The following ST7L variants were observed in gnomAD, a reference collection of about 807,000 sequenced individuals.
ST7L encodes the protein suppressor of tumorigenicity 7 protein-like.
Under a neutral mutation model 72.5 loss-of-function variants are expected in ST7L, and 57 were observed. That is an observed-to-expected ratio of 0.79 (90% CI 0.64 to 0.98). ST7L has a LOEUF of 0.98. Among genes scored for constraint, ST7L ranks in the 50% least tolerant of loss-of-function variants. The pLI is 0.00. For synonymous variants in ST7L, 221 were observed against 240.9 expected, an observed-to-expected ratio of 0.92 and a Z score of 0.77; for missense variants, 576 against 672.2, an observed-to-expected ratio of 0.86 and a Z score of 1.58.
intron 7 of ST7L, among the ~76,000 whole-genome samples, chr1:112,583,549 A>G (rs1165461163): frequency 6.6e-6 from 1 of 152,248 alleles, no homozygotes. Flanking sequence ...CTAGCACTAT[A>G]TGCAGATACA....
At chr1:112,579,577 GATTT>G (rs977568004) in intron 9 of ST7L, among the ~76,000 whole-genome samples, 7 of 151,822 alleles carry the variant, frequency 4.6e-5, no homozygotes, top group Admixed American at 2.6e-4. Context: ...CTTCTTCCTA[GATTT>G]ATTTTTCTTA....
chr1:112,609,010 A>T (rs1342231771), intron 3 of ST7L, among the ~76,000 whole-genome samples: 1 of 152,186 alleles, frequency 6.6e-6, no homozygotes, highest in Non-Finnish European at 1.5e-5. Context: ...TACCTATCCC[A>T]GTGAAAGGAA....
At chr1:112,586,643 T>C (rs1664911342) in intron 6 of ST7L, among the ~76,000 whole-genome samples, 1 of 152,208 alleles carries the variant, frequency 6.6e-6, no homozygotes. Flanking sequence ...AAAAGATTTT[T>C]TCCCCCTTAA....
At chr1:112,536,277 G>T (rs938489873) in intron 14 of ST7L, among the ~76,000 whole-genome samples, 1 of 151,984 alleles carries the variant, frequency 6.6e-6, no homozygotes, top group African/African-American at 2.4e-5. Flanking sequence ...TTCTGAATGT[G>T]GCCCTAGGAA....
At chr1:112,574,411 G>C (rs190926682) in intron 11 of ST7L, among the ~76,000 whole-genome samples, 2 of 151,642 alleles carry the variant, frequency 1.3e-5, no homozygotes, top group Admixed American at 6.6e-5. Context: ...TGTAATCCCA[G>C]CACTTTGGGA....
At chr1:112,587,128 T>C (rs1347349237) in intron 6 of ST7L, among the ~76,000 whole-genome samples, 1 of 152,236 alleles carries the variant, frequency 6.6e-6, no homozygotes, top group Non-Finnish European at 1.5e-5. Flanking sequence ...TGCTTTCTTC[T>C]AAGAGTTCTG....
intron 12 of ST7L, among the ~76,000 whole-genome samples, chr1:112,554,744 T>G (rs1230687333): frequency 6.6e-6 from 1 of 152,124 alleles, no homozygotes; most frequent in East Asian, 1.9e-4. Flanking sequence ...TATCTGTTCA[T>G]TAACAGATGA....
At chr1:112,540,673 C>G in intron 14 of ST7L, 1 of 1,180,632 alleles carries the variant, frequency 8.5e-7, no homozygotes, top group African/African-American at 1.6e-5. Context: ...AAAAAGCCAA[C>G]TAATCTTTAA....
At chr1:112,532,999 C>T (rs1654619448) in intron 14 of ST7L, among the ~76,000 whole-genome samples, 1 of 152,146 alleles carries the variant, frequency 6.6e-6, no homozygotes, top group African/African-American at 2.4e-5. Flanking sequence ...TTTATCTTTC[C>T]CCTACAATCC....
At chr1:112,555,559 C>T (rs186808091) in intron 12 of ST7L, among the ~76,000 whole-genome samples, 6 of 151,178 alleles carry the variant, frequency 4.0e-5, no homozygotes, top group African/African-American at 1.2e-4. Flanking sequence ...AGTGAGACTC[C>T]GTCTCAAAAA....
chr1:112,618,163 G>A (rs961687266), intron 1 of ST7L: 12 of 1,252,148 alleles, frequency 9.6e-6, no homozygotes, highest in Non-Finnish European at 1.2e-5. Context: ...ATGGTAAGGG[G>A]ACCTGGGCCC....
intron 12 of ST7L, among the ~76,000 whole-genome samples, chr1:112,554,431 G>A (rs1024375322): frequency 2.6e-5 from 4 of 152,006 alleles, no homozygotes; most frequent in African/African-American, 7.3e-5. Flanking sequence ...ACATCCATTA[G>A]GATGGCTATT....
chr1:112,526,751 AAAAG>A (rs2101135926), intron 14 of ST7L: 1 of 152,248 alleles, frequency 6.6e-6, no homozygotes, highest in East Asian at 1.9e-4. Flanking sequence ...AAAAAAAAAA[AAAAG>A]AAGGTATGTA....
chr1:112,535,248 T>C (rs1427938222), intron 14 of ST7L, among the ~76,000 whole-genome samples: 1 of 152,002 alleles, frequency 6.6e-6, no homozygotes, highest in African/African-American at 2.4e-5. Context: ...TGGTACATAT[T>C]GTAGTCCCAA....
intron 7 of ST7L, 47 bp from the exon 8 acceptor site, chr1:112,582,519 T>C: frequency 3.5e-6 from 4 of 1,139,574 alleles, no homozygotes; most frequent in Non-Finnish European, 5.1e-6. Context: ...TTTTGTATTG[T>C]GGGCTGCTAT....
At chr1:112,555,846 AC>A in intron 12 of ST7L, 21 bp downstream of exon 12, 1 of 1,479,832 alleles carries the variant, frequency 6.8e-7, no homozygotes, top group South Asian at 1.5e-5. Flanking sequence ...GATTAGTGTT[AC>A]TTTTGGAAAA....
At chr1:112,568,698 C>CA (rs1245307268) in intron 11 of ST7L, among the ~76,000 whole-genome samples, 2 of 133,102 alleles carry the variant, frequency 1.5e-5, no homozygotes, top group Admixed American at 7.7e-5. Context: ...ATTTAAAAAA[C>CA]AAAAAAACAA....
At chr1:112,616,762 TA>T (rs200903145) in intron 2 of ST7L, 50 bp downstream of exon 2, 22,066 of 1,316,588 alleles carry the variant, frequency 0.017, 128 homozygotes, top group Non-Finnish European at 0.02. Context: ...AAAAAAAAAA[TA>T]TCTTTAGATA....
intron 2 of ST7L, among the ~76,000 whole-genome samples, chr1:112,615,597 C>T (rs1669745846): frequency 1.3e-5 from 2 of 152,096 alleles, no homozygotes; most frequent in Non-Finnish European, 1.5e-5. Flanking sequence ...ATGGCTTGAG[C>T]CCAGGAGTTA....
Sources: gnomAD v4.1 joint callset for allele counts (sites outside exome capture counted in the v4.1 genomes callset) on GRCh38, gnomAD v4.1.1 for gene constraint, MANE v1.5 for transcripts, NCBI Gene and HGNC (gene_info 2026-07-23, HGNC 2026-07-21) for gene names.